Variants in TAF2 observed in about 807,000 individuals in gnomAD.
The protein encoded by TAF2 is TATA-box binding protein associated factor 2, also known as transcription initiation factor TFIID subunit 2.
TAF2 carries 61 observed loss-of-function variants against 138.5 expected under a neutral mutation model. The observed-to-expected ratio is 0.44, with a 90% CI of 0.36 to 0.54. TAF2 has a LOEUF of 0.54. Among genes scored for constraint, TAF2 ranks in the 20% least tolerant of loss-of-function variants. TAF2 has a pLI of 0.00. For missense variants in TAF2, 1,090 were observed against 1,427.9 expected (o/e 0.76, Z 3.81); for synonymous variants, 475 against 469.9 (o/e 1.01, Z -0.14).
At position 119,797,739 on chromosome 8, in the gene TAF2, T is replaced by C. The variant is rs1451893354; in HGVS notation, c.900A>G (p.Pro300=). 3 of 1,613,446 alleles carry C rather than the reference T, an allele frequency of 1.9e-6. No individual in the cohort carries two copies. Among genetic ancestry groups the C allele is most frequent in the Admixed American group, 1.7e-5 (1 of 59,972 alleles). ...FYEEILTCRY[P]YSCFKTVFID... ...TGAAGACAGTCTTAAAACAGGAGTA[T>C]GGGTAACGACATGTAAGAATTTCTT... Residue 300 remains proline (P), a synonymous_variant, in exon 7 of 26, where the codon CCA becomes CCG. Coordinates refer to ENST00000378164, the MANE Select transcript of TAF2 (RefSeq NM_003184.4).
intron 6 of TAF2, among the ~76,000 whole-genome samples, chr8:119,798,081 G>A (rs1242844032): frequency 6.6e-6 from 1 of 151,968 alleles, no homozygotes; most frequent in African/African-American, 2.4e-5. Flanking sequence ...GGAATGCTCA[G>A]ACCAACTAAA....
intron 11 of TAF2, among the ~76,000 whole-genome samples, chr8:119,790,743 C>CAAT (rs1586444910): frequency 6.6e-6 from 1 of 152,256 alleles, no homozygotes; most frequent in East Asian, 1.9e-4. Context: ...ATCCTTAATA[C>CAAT]AATGCAGAAC....
At position 119,781,012 on chromosome 8, in the gene TAF2, A is replaced by AAT. The variant is rs747724314; in HGVS notation, c.2253+39_2253+40dup. Reference sequence around the variant, plus strand: ...TTGAACAGTCTCCAACTTAAACTGAAATATATAAAAACCATGAGAAAATTA... The same window carrying AAT: ...TTGAACAGTCTCCAACTTAAACTGAAATATATATAAAAACCATGAGAAAATTA... On this transcript the variant is annotated intron_variant, in intron 17 of 25. Coordinates refer to ENST00000378164, the MANE Select transcript of TAF2 (RefSeq NM_003184.4). The AAT allele has an allele frequency of 1.9e-6, 3 of 1,588,878 alleles. No homozygotes were observed. The Admixed American group carries it at 5.1e-5, about 27-fold the overall frequency.
chr8:119,810,758 C>A (rs976032440), intron 3 of TAF2, among the ~76,000 whole-genome samples: 9 of 152,106 alleles, frequency 5.9e-5, no homozygotes, highest in Non-Finnish European at 1.0e-4. Flanking sequence ...TTGTATTCCA[C>A]CCCAAGTTAT....
chr8:119,760,318 C>CA (rs1452944788), intron 20 of TAF2: 1 of 301,950 alleles, frequency 3.3e-6, no homozygotes, highest in Non-Finnish European at 6.2e-6. Context: ...AGAAATTTCT[C>CA]AAAAATATTC....
intron 23 of TAF2, 189 bp from the exon 24 acceptor site, chr8:119,744,582 G>A: frequency 1.6e-6 from 1 of 607,408 alleles, no homozygotes; most frequent in Non-Finnish European, 2.9e-6. Context: ...GCCTCTAAAA[G>A]AAGCCAATTA....
At position 119,802,883 on chromosome 8, in the gene TAF2, G is replaced by A. The variant is rs138837362; in HGVS notation, c.561-858C>T. The stretch of plus-strand genomic sequence containing the variant: ...CCGAGATTGCATGAGCCGAGATTGC[G>A]CCACTGCACTCCAGCTGGTGCAACA... On this transcript the variant is annotated intron_variant, in intron 5 of 25. Transcript: ENST00000378164. Among the ~76,000 whole-genome samples, 1,383 of 152,224 alleles carry A rather than the reference G, an allele frequency of 9.1e-3. 20 individuals carry two copies. The highest frequency in any genetic ancestry group is 0.032 in the African/African-American group (1,315 of 41,538).
chr8:119,820,821 A>C (rs575312858), intron 2 of TAF2, among the ~76,000 whole-genome samples: 28 of 152,358 alleles, frequency 1.8e-4, no homozygotes, highest in Admixed American at 1.5e-3. Flanking sequence ...TGAGCTAGAA[A>C]CACAGAGAAC....
chr8:119,792,456 A>C (rs756259535), intron 10 of TAF2, among the ~76,000 whole-genome samples: 5 of 152,070 alleles, frequency 3.3e-5, no homozygotes, highest in Non-Finnish European at 7.4e-5. Flanking sequence ...GGGCCAGAAG[A>C]ATTTCTACAT....
chr8:119,780,851 C>T (rs545264406), intron 17 of TAF2, among the ~76,000 whole-genome samples: 11 of 150,132 alleles, frequency 7.3e-5, no homozygotes, highest in South Asian at 2.1e-4. Context: ...AGGAGAATGG[C>T]GTGAACCCGG....
intron 18 of TAF2, among the ~76,000 whole-genome samples, chr8:119,772,640 T>C (rs1293334199): frequency 1.3e-5 from 2 of 151,912 alleles, no homozygotes; most frequent in Non-Finnish European, 2.9e-5. Flanking sequence ...AAAATAATAA[T>C]ATTAATTAAA....
intron 25 of TAF2, among the ~76,000 whole-genome samples, chr8:119,734,140 G>A (rs1819061894): frequency 6.6e-6 from 1 of 152,070 alleles, no homozygotes; most frequent in Admixed American, 6.6e-5. Context: ...TGTCCAGGCT[G>A]GGAAACCCTG....
rs938991823 is a variant in TAF2 at position 119,832,361 on chromosome 8, T to A, written c.83+121A>T. On this transcript the variant is annotated intron_variant, in intron 1 of 25. Coordinates refer to ENST00000378164, the MANE Select transcript of TAF2 (RefSeq NM_003184.4). ...CTTACAAACACCATTTCCATCACAG[T>A]GAGTAAATTCTAGTTTCCCACTAGG... 7 of 853,914 alleles carry A rather than the reference T, an allele frequency of 8.2e-6. No individual in the cohort carries two copies. In the Admixed American group the frequency reaches 1.5e-4, roughly 18 times the overall value. 52.9% of individuals were successfully genotyped at this position (853,914 alleles called of 1,614,324 possible).
chr8:119,769,588 G>A (rs1821680452), intron 18 of TAF2, among the ~76,000 whole-genome samples: 1 of 151,978 alleles, frequency 6.6e-6, no homozygotes, highest in Admixed American at 6.6e-5. Context: ...TTCAGGAGAT[G>A]AAAGACCAGA....
chr8:119,758,572 A>C (rs1270118092), intron 20 of TAF2, among the ~76,000 whole-genome samples: 1 of 152,140 alleles, frequency 6.6e-6, no homozygotes, highest in African/African-American at 2.4e-5. Context: ...GTTTTTGCCC[A>C]AGTGGCTTCT....
At chr8:119,803,313 A>G (rs1824391563) in intron 5 of TAF2, among the ~76,000 whole-genome samples, 2 of 152,332 alleles carry the variant, frequency 1.3e-5, no homozygotes, top group Middle Eastern at 3.4e-3. Flanking sequence ...ACTTCAATAT[A>G]AAGTTTTTAA....
At chr8:119,829,849 T>A (rs924868048) in intron 2 of TAF2, among the ~76,000 whole-genome samples, 2 of 151,476 alleles carry the variant, frequency 1.3e-5, no homozygotes, top group African/African-American at 4.9e-5. Flanking sequence ...TTAACCTCCA[T>A]TCTTTTTTTA....
At position 119,832,811 on chromosome 8, in the gene TAF2, A is replaced by C. The variant is rs2292291; in HGVS notation, c.-247T>G. ...CTCCTCTCCGCAAGGGCTCGAAGCT[A>C]CCATCCGCCGACATCTTGTCTGTAA... On this transcript the variant is annotated 5_prime_UTR_variant, in exon 1 of 26. Coordinates refer to ENST00000378164, the MANE Select transcript of TAF2 (RefSeq NM_003184.4). 1 of 461,492 alleles carries C rather than the reference A, an allele frequency of 2.2e-6. No individual in the cohort carries two copies. Among genetic ancestry groups the C allele is most frequent in the African/African-American group, 2.0e-5 (1 of 50,670 alleles). 28.6% of individuals were successfully genotyped at this position (461,492 alleles called of 1,614,324 possible). A position where few individuals can be genotyped will look rare whatever the true frequency, so the allele number is the denominator to read the frequency against.
chr8:119,733,462 C>T (rs1300574112), intron 25 of TAF2, among the ~76,000 whole-genome samples: 1 of 152,190 alleles, frequency 6.6e-6, no homozygotes, highest in Non-Finnish European at 1.5e-5. Context: ...TACTTCATCT[C>T]TCTGGGTCTA....
Sources: gnomAD v4.1 joint callset for allele counts (sites outside exome capture counted in the v4.1 genomes callset) on GRCh38, gnomAD v4.1.1 for gene constraint, MANE v1.5 for transcripts, NCBI Gene and HGNC (gene_info 2026-07-23, HGNC 2026-07-21) for gene names.